SLCO2B1: variants seen among roughly 807,000 people sequenced by gnomAD.
SLCO2B1 encodes OATP-RP2.
A neutral mutation model predicts 67.3 loss-of-function variants in SLCO2B1; 41 were observed. The observed-to-expected ratio is 0.61, with a 90% CI of 0.47 to 0.79. The LOEUF (loss-of-function observed/expected upper bound fraction) is 0.79. Among genes scored for constraint, SLCO2B1 ranks in the 30% least tolerant of loss-of-function variants. The pLI is 0.00. For missense variants in SLCO2B1, 837 were observed against 920.1 expected, an observed-to-expected ratio of 0.91 and a Z score of 1.17; for synonymous variants, 379 against 381.4, an observed-to-expected ratio of 0.99 and a Z score of 0.07.
chr11:75,195,726 C>A (rs1226424472), intron 9 of SLCO2B1, among the ~76,000 whole-genome samples: 1 of 152,228 alleles, frequency 6.6e-6, no homozygotes, highest in East Asian at 1.9e-4. Flanking sequence ...GGCCACTGGA[C>A]CCCTGTGTGA....
At chr11:75,176,581 T>A (rs1197520591) in intron 7 of SLCO2B1, among the ~76,000 whole-genome samples, 1 of 152,250 alleles carries the variant, frequency 6.6e-6, no homozygotes, top group Non-Finnish European at 1.5e-5. Flanking sequence ...TCTAAATGGC[T>A]GCAATTTTGG....
intron 13 of SLCO2B1, chr11:75,204,135 CCT>C (rs1945232082): frequency 6.0e-6 from 2 of 333,316 alleles, no homozygotes; most frequent in Admixed American, 9.5e-5. Flanking sequence ...TGTCAGGCCC[CCT>C]GAGCCCTTGG....
intron 1 of SLCO2B1, among the ~76,000 whole-genome samples, chr11:75,157,758 A>G (rs1353855589): frequency 6.6e-6 from 1 of 152,208 alleles, no homozygotes; most frequent in Non-Finnish European, 1.5e-5. Context: ...CTATAACAAA[A>G]GACAGCTTAA....
chr11:75,181,372 CA>C (rs11369857), intron 7 of SLCO2B1, among the ~76,000 whole-genome samples: 221 of 128,628 alleles, frequency 1.7e-3, no homozygotes, highest in African/African-American at 5.4e-3. Flanking sequence ...GACTCTGCCT[CA>C]AAAAAAAAAA....
At chr11:75,200,037 C>T (rs1290879440) in intron 10 of SLCO2B1, 187 bp from the exon 11 acceptor site, 1 of 571,152 alleles carries the variant, frequency 1.8e-6, no homozygotes, top group Non-Finnish European at 3.1e-6. Context: ...CATAGACAGC[C>T]CTTGAGGTGC....
At chr11:75,192,981 T>G (rs566313675) in intron 8 of SLCO2B1, among the ~76,000 whole-genome samples, 1 of 152,142 alleles carries the variant, frequency 6.6e-6, no homozygotes, top group East Asian at 1.9e-4. Flanking sequence ...AGGCAGAGGT[T>G]GCAGTGAGCT....
intron 1 of SLCO2B1, among the ~76,000 whole-genome samples, chr11:75,156,340 A>C (rs1439627414): frequency 6.6e-6 from 1 of 152,134 alleles, no homozygotes; most frequent in Non-Finnish European, 1.5e-5. Flanking sequence ...CAAGAGAGTG[A>C]CCGGCAGAAA....
intron 4 of SLCO2B1, among the ~76,000 whole-genome samples, chr11:75,166,316 A>T (rs933334761): frequency 3.9e-5 from 6 of 152,244 alleles, no homozygotes; most frequent in African/African-American, 1.4e-4. Flanking sequence ...ACTATGCACC[A>T]GACACTGCTC....
chr11:75,156,463 G>A (rs1222084219), intron 1 of SLCO2B1, among the ~76,000 whole-genome samples: 3 of 152,182 alleles, frequency 2.0e-5, no homozygotes, highest in African/African-American at 7.2e-5. Context: ...TAGGAGGTAG[G>A]AAGGGCCCAA....
At chr11:75,159,186 G>C (rs1227547424) in intron 1 of SLCO2B1, among the ~76,000 whole-genome samples, 1 of 152,216 alleles carries the variant, frequency 6.6e-6, no homozygotes, top group Non-Finnish European at 1.5e-5. Flanking sequence ...CCAGCAGGTG[G>C]ACACGATGTG....
chr11:75,196,455 C>T, intron 9 of SLCO2B1, 59 bp from the exon 10 acceptor site: 1 of 1,549,802 alleles, frequency 6.5e-7, no homozygotes, highest in East Asian at 2.3e-5. Context: ...GAGGATGCCC[C>T]AGCTAGTGGC....
At chr11:75,176,253 C>T (rs967380984) in intron 7 of SLCO2B1, among the ~76,000 whole-genome samples, 7 of 152,166 alleles carry the variant, frequency 4.6e-5, no homozygotes, top group African/African-American at 7.2e-5. Flanking sequence ...CTCCTGGGCC[C>T]GCCATGCCCT....
intron 2 of SLCO2B1, 32 bp downstream of exon 2, chr11:75,162,817 G>C (rs1442245315): frequency 6.2e-7 from 1 of 1,601,414 alleles, no homozygotes; most frequent in Non-Finnish European, 8.5e-7. Context: ...GGGCCTCCGA[G>C]TCTAGAAGAG....
intron 8 of SLCO2B1, among the ~76,000 whole-genome samples, chr11:75,192,203 G>T (rs1224625725): frequency 1.3e-5 from 2 of 152,016 alleles, no homozygotes; most frequent in Non-Finnish European, 2.9e-5. Context: ...CTTTGATTCT[G>T]CCCCAGACAT....
Position 75,169,413 on chromosome 11 carries a change from A to G in SLCO2B1, c.682+7A>G, listed in dbSNP as rs780729267. On this transcript the variant is annotated splice_region_variant and intron_variant, in intron 5 of 13. Transcript: ENST00000289575. ...AACTCGCCCCTCTACCTCGGTGAGGACCAGTGCCATCCCTTGGCCTCTGAG... is the reference window on the plus strand; with the variant it reads ...AACTCGCCCCTCTACCTCGGTGAGGGCCAGTGCCATCCCTTGGCCTCTGAG... 6.3e-7 allele frequency: 1 copy of G among 1,575,886 alleles called. No homozygotes were observed. Among genetic ancestry groups the G allele is most frequent in the Non-Finnish European group, 8.6e-7 (1 of 1,156,910 alleles).
chr11:75,182,899 G>C (rs978582156), intron 7 of SLCO2B1, among the ~76,000 whole-genome samples: 15 of 152,068 alleles, frequency 9.9e-5, no homozygotes, highest in Admixed American at 8.5e-4. Context: ...GTTGGGAAGT[G>C]ATCAGTCTGT....
chr11:75,164,197 C>A, intron 3 of SLCO2B1, 97 bp downstream of exon 3: 1 of 1,348,256 alleles, frequency 7.4e-7, no homozygotes, highest in Non-Finnish European at 1.0e-6. Flanking sequence ...TTAAGGCCTT[C>A]CCCTCCCAGT....
At chr11:75,158,610 C>G (rs962233760) in intron 1 of SLCO2B1, among the ~76,000 whole-genome samples, 13 of 152,152 alleles carry the variant, frequency 8.5e-5, no homozygotes, top group Admixed American at 3.3e-4. Flanking sequence ...TGACCTGCTT[C>G]TACTGTTTTC....
chr11:75,183,132 G>C (rs1010120772), intron 7 of SLCO2B1, among the ~76,000 whole-genome samples: 1 of 152,066 alleles, frequency 6.6e-6, no homozygotes, highest in African/African-American at 2.4e-5. Context: ...TTGTCCACAT[G>C]CAAAAGTAAA....
Sources: allele counts gnomAD v4.1 joint callset (sites outside exome capture counted in the v4.1 genomes callset), GRCh38; gene constraint gnomAD v4.1.1; transcripts MANE v1.5; gene names NCBI Gene and HGNC (gene_info 2026-07-23, HGNC 2026-07-21).